Variants in PTBP3 observed in about 807,000 individuals in gnomAD.
PTBP3 encodes the protein polypyrimidine tract binding protein 3.
In PTBP3, 20 loss-of-function variants were observed where a neutral mutation model predicts 58.7. The ratio of observed to expected loss-of-function variants is 0.34; its 90% CI spans 0.24 to 0.50. The LOEUF is 0.50. PTBP3 is among the 20% of genes least tolerant of loss of function. PTBP3 has a pLI of 0.98. For synonymous variants in PTBP3, 185 were observed against 219.8 expected, an observed-to-expected ratio of 0.84 and a Z score of 1.40; for missense variants, 509 against 637.2, an observed-to-expected ratio of 0.80 and a Z score of 2.17.
intron 1 of PTBP3, chr9:112,332,945 C>G: frequency 1.3e-6 from 2 of 1,496,890 alleles, no homozygotes; most frequent in Non-Finnish European, 1.8e-6. Flanking sequence ...TGGGACCCCG[C>G]GTGGGACCAT....
the PTBP3 span, among the ~76,000 whole-genome samples, chr9:112,354,511 C>G: frequency 6.6e-6 from 1 of 152,302 alleles, no homozygotes; most frequent in South Asian, 2.1e-4. Flanking sequence ...ATACCACCCC[C>G]CTGGGGGTGG....
intron 1 of PTBP3, among the ~76,000 whole-genome samples, chr9:112,314,506 C>T (rs1388050448): frequency 1.3e-5 from 2 of 152,036 alleles, no homozygotes; most frequent in Non-Finnish European, 1.5e-5. Flanking sequence ...GATCGGCCTG[C>T]ACAACAGAAC....
chr9:112,231,912 A>AAGAAGAGAAGAGAAG (rs1391742980), intron 9 of PTBP3, among the ~76,000 whole-genome samples, 187 bp downstream of exon 9: 20 of 107,276 alleles, frequency 1.9e-4, no homozygotes, highest in Non-Finnish European at 2.7e-4. Flanking sequence ...CTGAAAAGAA[A>AAGAAGAGAAGAGAAG]AGAAGAGAAG....
At chr9:112,357,684 T>A in the PTBP3 span, among the ~76,000 whole-genome samples, 1 of 152,242 alleles carries the variant, frequency 6.6e-6, no homozygotes, top group Non-Finnish European at 1.5e-5. Flanking sequence ...TTTTTTTTTC[T>A]ATACAGGAAC....
At chr9:112,359,098 G>C in the PTBP3 span, among the ~76,000 whole-genome samples, 17 of 152,152 alleles carry the variant, frequency 1.1e-4, no homozygotes, top group African/African-American at 3.9e-4. Context: ...GCCTCTCAAA[G>C]TGCTGGGATT....
intron 2 of PTBP3, among the ~76,000 whole-genome samples, chr9:112,283,385 G>A (rs1827965020): frequency 6.6e-6 from 1 of 152,218 alleles, no homozygotes; most frequent in Non-Finnish European, 1.5e-5. Flanking sequence ...GGCTGAGGTA[G>A]TCTCAGATAG....
chr9:112,231,995 A>AAAC (rs1835248142), intron 9 of PTBP3, 104 bp downstream of exon 9: 1 of 561,876 alleles, frequency 1.8e-6, no homozygotes. Flanking sequence ...AGAAGAGAAG[A>AAAC]GAAGAGAAGA....
chr9:112,356,490 T>C, the PTBP3 span, among the ~76,000 whole-genome samples: 2 of 151,928 alleles, frequency 1.3e-5, no homozygotes, highest in Non-Finnish European at 2.9e-5. Flanking sequence ...GCAGTTGTCA[T>C]ATAGTTAAGA....
At chr9:112,300,042 G>GC (rs1251018128) in intron 1 of PTBP3, among the ~76,000 whole-genome samples, 1 of 152,188 alleles carries the variant, frequency 6.6e-6, no homozygotes, top group Non-Finnish European at 1.5e-5. Context: ...TCAGGGAAAT[G>GC]CAAGTTAAAA....
intron 2 of PTBP3, among the ~76,000 whole-genome samples, chr9:112,283,150 A>T (rs1827951496): frequency 6.6e-6 from 1 of 152,244 alleles, no homozygotes; most frequent in Non-Finnish European, 1.5e-5. Flanking sequence ...TCTTTATAGC[A>T]GTGTGAGAAC....
At chr9:112,350,701 C>CAACAAACATTTGGCA in the PTBP3 span, among the ~76,000 whole-genome samples, 1 of 152,118 alleles carries the variant, frequency 6.6e-6, no homozygotes, top group Admixed American at 6.6e-5. Context: ...TCTCTTTTGG[C>CAACAAACATTTGGCA]ATAAACAACA....
chr9:112,378,391 C>CT, the PTBP3 span, among the ~76,000 whole-genome samples: 4 of 152,280 alleles, frequency 2.6e-5, no homozygotes, highest in African/African-American at 7.2e-5. Context: ...TTTTTGTTTG[C>CT]TTTGCCTCTT....
At chr9:112,375,056 T>C in the PTBP3 span, among the ~76,000 whole-genome samples, 1 of 152,200 alleles carries the variant, frequency 6.6e-6, no homozygotes, top group Non-Finnish European at 1.5e-5. Context: ...ATGGCCACTT[T>C]GTTCACGGGT....
chr9:112,226,620 C>T lies in PTBP3; in HGVS notation c.1364+791G>A, dbSNP rs192321507. ...TAGCCAGATATTTTCTTTAAAGGGC[C>T]AGACAGTAAATATCTTAGGCTGTAT... On this transcript the variant is annotated intron_variant, in intron 12 of 13. Transcript: ENST00000374257. 2.6e-5 allele frequency among the ~76,000 whole-genome samples: 4 copies of T among 152,198 alleles called. No homozygotes were observed. The East Asian group carries it at 5.8e-4, about 22-fold the overall frequency.
At chr9:112,370,378 C>T in the PTBP3 span, among the ~76,000 whole-genome samples, 1 of 152,032 alleles carries the variant, frequency 6.6e-6, no homozygotes, top group Non-Finnish European at 1.5e-5. Flanking sequence ...CCTATCTCCA[C>T]CAGAAATACA....
At chr9:112,293,384 A>C (rs1828529566) in intron 2 of PTBP3, among the ~76,000 whole-genome samples, 1 of 152,238 alleles carries the variant, frequency 6.6e-6, no homozygotes, top group Non-Finnish European at 1.5e-5. Context: ...GCAATGAAGA[A>C]ATATTTTATT....
At chr9:112,326,398 T>C (rs567980863) in intron 1 of PTBP3, among the ~76,000 whole-genome samples, 3 of 152,300 alleles carry the variant, frequency 2.0e-5, no homozygotes, top group East Asian at 1.9e-4. Flanking sequence ...CTACGGACAA[T>C]ATGAATGAGC....
intron 2 of PTBP3, among the ~76,000 whole-genome samples, chr9:112,290,727 C>CACACACACACAT: frequency 6.8e-6 from 1 of 147,848 alleles, no homozygotes; most frequent in East Asian, 2.0e-4. Context: ...CACACACACA[C>CACACACACACAT]ACACACACAC....
rs371111816 is a variant in PTBP3, at chr9:112,227,411, G to A, written c.1364C>T (p.Pro455Leu). 1.4e-5 allele frequency: 22 copies of A among 1,612,068 alleles called. No individual in the cohort carries two copies. The South Asian group carries it at 1.4e-4, about 10-fold the overall frequency. ...GATTAATAACTTATTAGGTACATAC[G>A]GAATGTTGGAAAGATGCAGAGTGGC... is the stretch of plus-strand genomic sequence containing the variant. ...PSATLHLSNIPPSVTVDDLKN... is the reference protein window; with the variant it reads ...PSATLHLSNILPSVTVDDLKN... The change falls in exon 12 of 14, where the codon CCC becomes CTC. Residue 455 changes from proline to leucine, a missense_variant and splice_region_variant. Pro to Leu is a moderately conservative substitution (Grantham distance 98). Around this residue, in one of 4 missense-constraint regions of PTBP3, gnomAD observed 135 missense variants for 229.0 expected, o/e 0.59. Coordinates refer to ENST00000374257, the MANE Select transcript of PTBP3 (RefSeq NM_001163788.4).
Sources: gnomAD v4.1 joint callset for allele counts (sites outside exome capture counted in the v4.1 genomes callset) on GRCh38, gnomAD v4.1.1 for gene constraint, gnomAD v4.1.1 regional missense constraint, MANE v1.5 for transcripts, NCBI Gene and HGNC (gene_info 2026-07-23, HGNC 2026-07-21) for gene names.